RAC1: variants seen among roughly 807,000 people sequenced by gnomAD.
RAC1 encodes the protein ras-related C3 botulinum toxin substrate 1.
In RAC1, 2 loss-of-function variants were observed where a neutral mutation model predicts 25.2. The ratio of observed to expected loss-of-function variants is 0.08; its 90% CI spans 0.03 to 0.25. RAC1 has a LOEUF of 0.25. Ranked by LOEUF, RAC1 falls within the 10% of genes least tolerant of loss-of-function variation. RAC1 has a pLI of 1.00. For missense variants in RAC1, 50 were observed against 235.7 expected, an observed-to-expected ratio of 0.21 and a Z score of 5.16; for synonymous variants, 88 against 94.0, an observed-to-expected ratio of 0.94 and a Z score of 0.37.
chr7:6,398,649 C>T, intron 3 of RAC1: 1 of 1,612,426 alleles, frequency 6.2e-7, no homozygotes, highest in Non-Finnish European at 8.5e-7. Context: ...ACCAAGTTCT[C>T]ATGCATTACT....
chr7:6,384,229 T>C (rs767285181), intron 1 of RAC1, among the ~76,000 whole-genome samples: 3 of 152,136 alleles, frequency 2.0e-5, no homozygotes, highest in Admixed American at 6.6e-5. Flanking sequence ...AGCCCACTTA[T>C]GTTCACTGTC....
intron 3 of RAC1, chr7:6,398,835 C>T (rs1783319468): frequency 1.0e-6 from 1 of 962,348 alleles, no homozygotes; most frequent in South Asian, 1.5e-5. Context: ...ATATTTAATT[C>T]ACTCAAGGTT....
chr7:6,375,346 T>C (rs1782553837), intron 1 of RAC1, among the ~76,000 whole-genome samples: 1 of 151,932 alleles, frequency 6.6e-6, no homozygotes, highest in South Asian at 2.1e-4. Context: ...CATCCCAGCC[T>C]CCAAAATGCT....
At chr7:6,401,292 A>G (rs1027086326) in intron 4 of RAC1, among the ~76,000 whole-genome samples, 7 of 152,180 alleles carry the variant, frequency 4.6e-5, no homozygotes, top group Non-Finnish European at 1.0e-4. Context: ...GTTCTGGTTC[A>G]GAAGTTTCCT....
intron 1 of RAC1, among the ~76,000 whole-genome samples, chr7:6,382,132 T>C (rs1782783378): frequency 6.6e-6 from 1 of 152,080 alleles, no homozygotes. Flanking sequence ...TAGCTGGGAT[T>C]ACAGGCGCCT....
chr7:6,380,314 C>G (rs139338281), intron 1 of RAC1, among the ~76,000 whole-genome samples: 9 of 151,974 alleles, frequency 5.9e-5, no homozygotes, highest in East Asian at 3.9e-4. Flanking sequence ...TGGCTCTGAT[C>G]TTTGTTGATG....
At chr7:6,386,796 A>G (rs1440913843) in intron 1 of RAC1, among the ~76,000 whole-genome samples, 2 of 151,494 alleles carry the variant, frequency 1.3e-5, no homozygotes, top group African/African-American at 4.8e-5. Context: ...CTCAAAAAAA[A>G]AAAAAAAAGA....
intron 3 of RAC1, among the ~76,000 whole-genome samples, chr7:6,397,418 C>T (rs1783275432): frequency 6.6e-6 from 1 of 151,614 alleles, no homozygotes; most frequent in African/African-American, 2.4e-5. Flanking sequence ...CTCAGCCTCC[C>T]GAGTAGCTGG....
At chr7:6,400,958 G>C (rs1281200241) in intron 4 of RAC1, among the ~76,000 whole-genome samples, 1 of 150,884 alleles carries the variant, frequency 6.6e-6, no homozygotes, top group Non-Finnish European at 1.5e-5. Flanking sequence ...TACAGGCGTG[G>C]GCCACCGTGC....
rs1297169960 is a variant in RAC1, at chr7:6,402,531, A to AC, written c.*85_*86insC. ...AAAAAACAAAAAAAAAAAACAAAAA[A>AC]AAAAAACAACGGTGGAGCCTTCGCA... On this transcript the variant is annotated 3_prime_UTR_variant, in exon 6 of 6. Transcript: ENST00000348035. 5.1e-6 allele frequency: 6 copies of AC among 1,167,704 alleles called. No individual in the cohort carries two copies. Among genetic ancestry groups the AC allele is most frequent in the Middle Eastern group, 3.2e-4 (1 of 3,132 alleles). 72.3% of individuals were successfully genotyped at this position (1,167,704 alleles called of 1,614,324 possible).
intron 1 of RAC1, among the ~76,000 whole-genome samples, chr7:6,376,672 G>GTTTTTT (rs71008385): frequency 1.0e-5 from 1 of 99,962 alleles, no homozygotes; most frequent in Non-Finnish European, 1.9e-5. Flanking sequence ...CAGCTAATTT[G>GTTTTTT]TTTTTTTTTT....
rs35488692 is a variant in RAC1 at position 6,386,534 on chromosome 7, C to A, written c.36-678C>A. Among the ~76,000 whole-genome samples, 1,312 of 152,068 alleles carry A rather than the reference C, an allele frequency of 8.6e-3. 10 individuals are homozygous for A. Among genetic ancestry groups the A allele is most frequent in the Non-Finnish European group, 0.012 (788 of 67,978 alleles). ...TGGTGGCTCCAGCCTGTAATCCCAGCACTTTGGGAGGTCCAGGTGGGCGGA... is the reference window on the plus strand; with the variant it reads ...TGGTGGCTCCAGCCTGTAATCCCAGAACTTTGGGAGGTCCAGGTGGGCGGA... On this transcript the variant is annotated intron_variant, in intron 1 of 5. Transcript: ENST00000348035.
intron 3 of RAC1, among the ~76,000 whole-genome samples, chr7:6,399,311 T>G (rs894292267): frequency 2.0e-4 from 30 of 152,260 alleles, no homozygotes; most frequent in African/African-American, 6.8e-4. Flanking sequence ...TTGGGAATTG[T>G]GTGCATTTCA....
chr7:6,376,710 G>A (rs1320453763), intron 1 of RAC1, among the ~76,000 whole-genome samples: 3 of 143,040 alleles, frequency 2.1e-5, no homozygotes, highest in Non-Finnish European at 4.6e-5. Flanking sequence ...TGGTGGAGAC[G>A]GAGTTTCACC....
chr7:6,398,995 G>A (rs554771253), intron 3 of RAC1, among the ~76,000 whole-genome samples: 2 of 152,328 alleles, frequency 1.3e-5, no homozygotes, highest in Non-Finnish European at 2.9e-5. Flanking sequence ...TGGAGATGCA[G>A]ATATGGAGAC....
intron 1 of RAC1, among the ~76,000 whole-genome samples, chr7:6,383,667 G>A (rs971472729): frequency 1.3e-5 from 2 of 151,322 alleles, no homozygotes; most frequent in African/African-American, 4.9e-5. Flanking sequence ...TAGAGACTTA[G>A]GACAGAATAG....
rs1583262597 is a variant in RAC1, at chr7:6,387,248, A to C, written c.72A>C (p.Thr24=). 2 of 1,572,568 alleles carry C rather than the reference A, an allele frequency of 1.3e-6. No homozygotes were observed. Among genetic ancestry groups the C allele is most frequent in the South Asian group, 2.4e-5 (2 of 84,918 alleles). ...VGKTCLLISY[T]TNAFPGEYIP... ...AAACTTGCCTACTGATCAGTTACAC[A>C]ACCAATGCATTTCCTGGAGAATATA... The change falls in exon 2 of 6, where the codon ACA becomes ACC. Residue 24 remains threonine, a synonymous_variant. Transcript: ENST00000348035.
intron 2 of RAC1, among the ~76,000 whole-genome samples, chr7:6,390,007 CCTCCTTCCCTCCTCTCCTA>C (rs1169222376): frequency 4.0e-4 from 48 of 120,880 alleles, no homozygotes; most frequent in Non-Finnish European, 2.2e-4. Flanking sequence ...TCCCTCTCTC[CCTCCTTCCCTCCTCTCCTA>C]CTCCTTCCCT....
intron 3 of RAC1, 47 bp downstream of exon 3, chr7:6,392,088 T>A (rs1228584396): frequency 6.2e-7 from 1 of 1,610,270 alleles, no homozygotes; most frequent in Non-Finnish European, 8.5e-7. Context: ...AGTATATAAT[T>A]CTCGAGCGCT....
Sources: allele counts gnomAD v4.1 joint callset (sites outside exome capture counted in the v4.1 genomes callset), GRCh38; gene constraint gnomAD v4.1.1; transcripts MANE v1.5; gene names NCBI Gene and HGNC (gene_info 2026-07-23, HGNC 2026-07-21).